Variants in OTUB1 observed in about 807,000 individuals in gnomAD.
OTUB1 encodes the protein ubiquitin thioesterase OTUB1.
OTUB1 carries 10 observed loss-of-function variants against 35.8 expected under a neutral mutation model. The ratio of observed to expected loss-of-function variants is 0.28; its 90% CI spans 0.17 to 0.47. OTUB1 has a LOEUF of 0.47. Ranked by LOEUF, OTUB1 falls within the 20% of genes least tolerant of loss-of-function variation. The probability of loss-of-function intolerance (pLI) is 0.99; values close to 1 mark genes in which losing one functional copy is unlikely to be tolerated. For synonymous variants in OTUB1, 158 were observed against 143.8 expected (o/e 1.10, Z -0.71); for missense variants, 264 against 351.6 (o/e 0.75, Z 1.99).
At position 63,997,120 on chromosome 11, in the gene OTUB1, A is replaced by G; in HGVS notation, c.494A>G (p.Gln165Arg). The change falls in exon 6 of 7, where the codon CAG (glutamine) becomes CGG (arginine). Residue 165 changes from glutamine (Q) to arginine (R), a missense_variant. By Grantham distance (43) the Gln-to-Arg change is conservative (BLOSUM62 1). Transcript: ENST00000538426. ...GACCTGCTGGCCTCCTTCAATGACC[A>G]GAGCACCTCCGACTACCTTGTGGTC... ...VADLLASFNDQSTSDYLVVYL... is the reference protein window; with the variant it reads ...VADLLASFNDRSTSDYLVVYL... The G allele has an allele frequency of 6.2e-7, 1 of 1,614,234 alleles. No individual in the cohort carries two copies. Among genetic ancestry groups the G allele is most frequent in the Non-Finnish European group, 8.5e-7 (1 of 1,180,034 alleles).
chr11:63,986,848 A>C, intron 1 of OTUB1: 1 of 293,530 alleles, frequency 3.4e-6, no homozygotes, highest in South Asian at 9.7e-5. Context: ...CTGTCCTTGC[A>C]GTCAGGCAGA....
intron 5 of OTUB1, 34 bp downstream of exon 5, chr11:63,996,975 G>T: frequency 6.2e-7 from 1 of 1,613,284 alleles, no homozygotes; most frequent in Non-Finnish European, 8.5e-7. Flanking sequence ...GCTGGGCCAT[G>T]GGGGAGGGGT....
chr11:63,993,566 A>T (rs956881054), intron 3 of OTUB1, among the ~76,000 whole-genome samples: 7 of 151,846 alleles, frequency 4.6e-5, no homozygotes, highest in African/African-American at 1.5e-4. Flanking sequence ...CAGGAGGCTG[A>T]GACAGGAGAA....
At chr11:63,989,316 C>CA (rs147998584) in intron 3 of OTUB1, 21,042 of 117,894 alleles carry the variant, frequency 0.18, 3,398 homozygotes, top group African/African-American at 0.45. Flanking sequence ...GACTGTCTCA[C>CA]AAAAAAAAAA....
At chr11:63,995,633 T>G (rs1942709964) in intron 3 of OTUB1, among the ~76,000 whole-genome samples, 2 of 149,756 alleles carry the variant, frequency 1.3e-5, no homozygotes, top group African/African-American at 4.9e-5. Flanking sequence ...CAGCTTGGAA[T>G]GATGTGCTTG....
chr11:63,992,249 T>C (rs1457767323), intron 3 of OTUB1, among the ~76,000 whole-genome samples: 2 of 150,396 alleles, frequency 1.3e-5, no homozygotes, highest in Non-Finnish European at 3.0e-5. Context: ...AGTGGGAGCA[T>C]TTGCCATTTT....
chr11:63,992,985 C>T (rs1018987378), intron 3 of OTUB1, among the ~76,000 whole-genome samples: 2 of 152,244 alleles, frequency 1.3e-5, no homozygotes, highest in Admixed American at 6.5e-5. Context: ...CACGCCAAGC[C>T]GACCCTGGCC....
At chr11:63,994,774 G>C in intron 3 of OTUB1, among the ~76,000 whole-genome samples, 1 of 152,246 alleles carries the variant, frequency 6.6e-6, no homozygotes, top group East Asian at 1.9e-4. Flanking sequence ...GGGGCGCTGG[G>C]TTTGCCCCCT....
chr11:63,993,707 G>A (rs2134309130), intron 3 of OTUB1, among the ~76,000 whole-genome samples: 1 of 151,626 alleles, frequency 6.6e-6, no homozygotes, highest in Middle Eastern at 3.4e-3. Flanking sequence ...CGTCAAGAGA[G>A]CAAGTATAAT....
chr11:63,993,402 C>G (rs1206672367), intron 3 of OTUB1, among the ~76,000 whole-genome samples: 1 of 152,112 alleles, frequency 6.6e-6, no homozygotes, highest in Non-Finnish European at 1.5e-5. Flanking sequence ...TGGCTCATGC[C>G]TGTAATCCTA....
At position 63,997,728 on chromosome 11, in the gene OTUB1, C is replaced by T; in HGVS notation, c.*182C>T. The stretch of plus-strand genomic sequence containing the variant: ...GCCGTGTGTGCGTGTCCCTGCTCTG[C>T]TGCCCGCCTGGCTGCTCTGTCTGCT... On this transcript the variant is annotated 3_prime_UTR_variant, in exon 7 of 7. Transcript: ENST00000538426. 2 of 708,090 alleles carry T rather than the reference C, an allele frequency of 2.8e-6. No homozygotes were observed. Among genetic ancestry groups the T allele is most frequent in the South Asian group, 3.0e-5 (2 of 67,754 alleles). 43.9% of individuals were successfully genotyped at this position (708,090 alleles called of 1,614,324 possible). A position where few individuals can be genotyped will look rare whatever the true frequency, so the allele number is the denominator to read the frequency against.
Position 63,997,602 on chromosome 11 carries a change from G to C in OTUB1, c.*56G>C. On this transcript the variant is annotated 3_prime_UTR_variant, in exon 7 of 7. Coordinates refer to ENST00000538426, the MANE Select transcript of OTUB1 (RefSeq NM_017670.3). Reference sequence around the variant, plus strand: ...CCCCCCTCTGCCAGGCGCTAGACATGTACAGAGGTTTTTCTGTGGTTGTAA... The same window carrying C: ...CCCCCCTCTGCCAGGCGCTAGACATCTACAGAGGTTTTTCTGTGGTTGTAA... The C allele has an allele frequency of 6.7e-7, 1 of 1,486,048 alleles. No homozygotes were observed. The highest frequency in any genetic ancestry group is 9.4e-7 in the Non-Finnish European group (1 of 1,066,686). 92.1% of individuals were successfully genotyped at this position (1,486,048 alleles called of 1,614,324 possible).
At chr11:63,990,551 C>T (rs1335041725) in intron 3 of OTUB1, 1 of 150,582 alleles carries the variant, frequency 6.6e-6, no homozygotes, top group African/African-American at 2.5e-5. Flanking sequence ...TGTACCACTG[C>T]ACTCCAGCCT....
Position 63,992,457 on chromosome 11 carries a change from G to A in OTUB1, c.219+3705G>A, listed in dbSNP as rs1416603304. On this transcript the variant is annotated intron_variant, in intron 3 of 6. Coordinates refer to ENST00000538426, the MANE Select transcript of OTUB1 (RefSeq NM_017670.3). ...AGGGGTTGGGGCTGGGGAACTGAGC[G>A]GGGCGGGGCGGGGTGGGGTGTTGTG... is the stretch of plus-strand genomic sequence containing the variant. 2.7e-5 allele frequency among the ~76,000 whole-genome samples: 4 copies of A among 150,178 alleles called. No individual in the cohort carries two copies. The East Asian group carries it at 5.8e-4, about 22-fold the overall frequency.
rs1465816833 is a variant in OTUB1, at chr11:63,997,755, C to T, written c.*209C>T. 5.7e-6 allele frequency: 4 copies of T among 702,130 alleles called. No individual in the cohort carries two copies. Among genetic ancestry groups the T allele is most frequent in the Admixed American group, 2.0e-5 (1 of 49,996 alleles). The allele number at this position is 702,130 out of a possible 1,614,324, so 43.5% of individuals were successfully genotyped here. On this transcript the variant is annotated 3_prime_UTR_variant, in exon 7 of 7. Transcript: ENST00000538426. ...GCCCGCCTGGCTGCTCTGTCTGCTG[C>T]CCCCTCCCCCCAGGTGGGTCCCCCT...
At chr11:63,997,306 G>T (rs1481284114) in intron 6 of OTUB1, 43 bp from the exon 7 acceptor site, 1 of 1,612,180 alleles carries the variant, frequency 6.2e-7, no homozygotes, top group East Asian at 2.2e-5. Context: ...AGGGCCTGGG[G>T]CGGGGTGCGG....
chr11:63,989,016 GAAAA>G (rs771859657), intron 3 of OTUB1: 32 of 175,278 alleles, frequency 1.8e-4, no homozygotes, highest in East Asian at 3.6e-4. Flanking sequence ...CTTCATCTCA[GAAAA>G]AAAAAAAAAA....
rs1014450954 is a variant in OTUB1 at position 63,996,869 on chromosome 11, G to A, written c.351G>A (p.Val117=). ...ATCCCACCCCCAGGTTCAAGGCTGTGTCTGCCAAGAGCAAGGAAGACCTGG... is the reference window on the plus strand; with the variant it reads ...ATCCCACCCCCAGGTTCAAGGCTGTATCTGCCAAGAGCAAGGAAGACCTGG... ...DSKELQRFKA[V]SAKSKEDLVS... Residue 117 remains valine (V), a synonymous_variant, in exon 5 of 7, where the codon GTG becomes GTA. Coordinates refer to ENST00000538426, the MANE Select transcript of OTUB1 (RefSeq NM_017670.3). 6.2e-7 allele frequency: 1 copy of A among 1,614,098 alleles called. No homozygotes were observed. Among genetic ancestry groups the A allele is most frequent in the Non-Finnish European group, 8.5e-7 (1 of 1,180,026 alleles).
chr11:63,996,412 G>A lies in OTUB1; in HGVS notation c.220-118G>A, dbSNP rs1942716941. On this transcript the variant is annotated intron_variant, in intron 3 of 6. Coordinates refer to ENST00000538426, the MANE Select transcript of OTUB1 (RefSeq NM_017670.3). The stretch of plus-strand genomic sequence containing the variant: ...CTGTTTCAGGGACCCAGGGTGGCAG[G>A]TGGCTGCTGGGAGCTCAGTTGCCAC... 2.8e-6 allele frequency: 3 copies of A among 1,077,804 alleles called. No individual in the cohort carries two copies. The Admixed American group carries it at 6.6e-5, about 24-fold the overall frequency. 66.8% of individuals were successfully genotyped at this position (1,077,804 alleles called of 1,614,324 possible). A position where few individuals can be genotyped will look rare whatever the true frequency, so the allele number is the denominator to read the frequency against.
Sources: allele counts gnomAD v4.1 joint callset (sites outside exome capture counted in the v4.1 genomes callset), GRCh38; gene constraint gnomAD v4.1.1; transcripts MANE v1.5; gene names NCBI Gene and HGNC (gene_info 2026-07-23, HGNC 2026-07-21).